Variants in CLIP1 observed in about 807,000 individuals in gnomAD.
CLIP1 encodes the protein CAP-Gly domain-containing linker protein 1.
A neutral mutation model predicts 161.6 loss-of-function variants in CLIP1; 66 were observed. The ratio of observed to expected loss-of-function variants is 0.41; its 90% CI spans 0.33 to 0.50. The LOEUF (loss-of-function observed/expected upper bound fraction) is 0.50, where lower values mean the gene tolerates loss of function less well. CLIP1 is among the 20% of genes least tolerant of loss of function. The probability of loss-of-function intolerance (pLI) is 0.27; values close to 1 mark genes in which losing one functional copy is unlikely to be tolerated. For synonymous variants in CLIP1, 598 were observed against 626.2 expected (o/e 0.96, Z 0.67); for missense variants, 1,376 against 1,702.0 (o/e 0.81, Z 3.37).
chr12:122,320,653 G>A lies in CLIP1; in HGVS notation c.3250-1305C>T, dbSNP rs574156859. On this transcript the variant is annotated intron_variant, in intron 17 of 25. Coordinates refer to ENST00000620786, the MANE Select transcript of CLIP1 (RefSeq NM_001247997.2). ...GCAGGAGAATCGCTTGAACCCGGGA[G>A]GCAGAGGTTGCAGTGAGCCAAGGTC... Among the ~76,000 whole-genome samples the A allele has an allele frequency of 5.8e-4, 88 of 152,016 alleles. 1 individual carries two copies. Among genetic ancestry groups the A allele is most frequent in the Middle Eastern group, 3.4e-3 (1 of 294 alleles).
At chr12:122,305,499 C>T (rs1015503973) in intron 20 of CLIP1, among the ~76,000 whole-genome samples, 1 of 152,208 alleles carries the variant, frequency 6.6e-6, no homozygotes, top group Non-Finnish European at 1.5e-5. Flanking sequence ...CCTGAATTTA[C>T]ACTGTATGCT....
chr12:122,356,961 G>A (rs761503899), intron 5 of CLIP1, among the ~76,000 whole-genome samples: 1 of 152,224 alleles, frequency 6.6e-6, no homozygotes, highest in Non-Finnish European at 1.5e-5. Flanking sequence ...CCAGGCTGGA[G>A]TGCAGTAGCG....
intron 21 of CLIP1, among the ~76,000 whole-genome samples, chr12:122,283,779 C>A (rs950735850): frequency 6.6e-6 from 1 of 152,110 alleles, no homozygotes; most frequent in Non-Finnish European, 1.5e-5. Context: ...CCAGTTTAAT[C>A]CTACAGTTGG....
rs560147290 is a variant in CLIP1, at chr12:122,277,611, T to C, written c.3966+543A>G. 3 of 152,412 alleles carry C rather than the reference T, an allele frequency of 2.0e-5. No homozygotes were observed. The East Asian group carries it at 5.8e-4, about 29-fold the overall frequency. 9.4% of individuals were successfully genotyped at this position (152,412 alleles called of 1,614,324 possible). On this transcript the variant is annotated intron_variant, in intron 24 of 25. Transcript: ENST00000620786. ...CCCTTTGACAGAGCAATTCTACTTC[T>C]AGGAATTCATCCTGCAGAAATACTA...
intron 1 of CLIP1, among the ~76,000 whole-genome samples, chr12:122,401,576 G>A (rs1311297406): frequency 2.0e-5 from 3 of 152,156 alleles, no homozygotes; most frequent in African/African-American, 7.2e-5. Context: ...GCTGAGGCAG[G>A]AGAACTGCTT....
At chr12:122,373,907 G>A (rs562178891) in intron 3 of CLIP1, among the ~76,000 whole-genome samples, 1 of 152,208 alleles carries the variant, frequency 6.6e-6, no homozygotes, top group South Asian at 2.1e-4. Context: ...CAAAAATAAT[G>A]TTCAGCAAAT....
Position 122,377,636 on chromosome 12 carries a change from A to C in CLIP1, c.410T>G (p.Leu137Arg), listed in dbSNP as rs563436852. The change falls in exon 3 of 26, where the codon CTG (leucine) becomes CGG (arginine). Residue 137 changes from leucine to arginine, a missense_variant. Leu to Arg is a moderately radical substitution (Grantham distance 102, BLOSUM62 -2). Around this residue, in one of 6 missense-constraint regions of CLIP1, gnomAD observed 119 missense variants for 112.0 expected, o/e 1.06. Coordinates refer to ENST00000620786, the MANE Select transcript of CLIP1 (RefSeq NM_001247997.2). Reference sequence around the variant, plus strand: ...AGCTCGGGAGGCGGGCGTTGTCTGCAGGCCATTAGCTTCATCTTCTGCTTG... The same window carrying C: ...AGCTCGGGAGGCGGGCGTTGTCTGCCGGCCATTAGCTTCATCTTCTGCTTG... ...KVQAEDEANG[L>R]QTTPASRATS... is the part of the protein sequence containing the mutation. 6.2e-7 allele frequency: 1 copy of C among 1,613,830 alleles called. No individual in the cohort carries two copies. The highest frequency in any genetic ancestry group is 1.1e-5 in the South Asian group (1 of 91,068).
Position 122,410,754 on chromosome 12 carries a change from C to T in CLIP1, c.-107+11767G>A, listed in dbSNP as rs570572907. The stretch of plus-strand genomic sequence containing the variant: ...GATTACAGGCGTGAGCCACCACATC[C>T]GGCCTTATAAGTAATATTTTGAAGG... On this transcript the variant is annotated intron_variant, in intron 1 of 25. Transcript: ENST00000620786. 6.6e-5 allele frequency among the ~76,000 whole-genome samples: 10 copies of T among 152,134 alleles called. No homozygotes were observed. The South Asian group carries it at 1.7e-3, about 25-fold the overall frequency.
rs566749876 is a variant in CLIP1 at position 122,374,033 on chromosome 12, C to T, written c.657+3356G>A. 2.0e-5 allele frequency among the ~76,000 whole-genome samples: 3 copies of T among 152,216 alleles called. No individual in the cohort carries two copies. In the South Asian group the frequency reaches 6.2e-4, roughly 32 times the overall value. ...TAATTCTCAGGAAGATATTTTTCCC[C>T]TTTCACAGTATCAAAGACCTGTATA... On this transcript the variant is annotated intron_variant, in intron 3 of 25. Transcript: ENST00000620786.
chr12:122,352,638 G>T, intron 8 of CLIP1, 88 bp downstream of exon 8: 1 of 1,208,404 alleles, frequency 8.3e-7, no homozygotes, highest in Non-Finnish European at 1.2e-6. Context: ...TGGCTGTTCT[G>T]GCCGCTCATT....
intron 15 of CLIP1, among the ~76,000 whole-genome samples, chr12:122,332,043 T>A (rs1410751125): frequency 6.6e-6 from 1 of 152,034 alleles, no homozygotes; most frequent in Non-Finnish European, 1.5e-5. Context: ...CGGTGGCTCA[T>A]GCCTGTAATC....
chr12:122,304,551 G>A (rs1950798474), intron 20 of CLIP1, among the ~76,000 whole-genome samples: 1 of 152,204 alleles, frequency 6.6e-6, no homozygotes, highest in Middle Eastern at 3.4e-3. Context: ...TATTAGAGAT[G>A]GGGTTTCACC....
Position 122,355,051 on chromosome 12 carries a change from G to A in CLIP1, c.1203+64C>T. The A allele has an allele frequency of 6.9e-7, 1 of 1,455,912 alleles. No individual in the cohort carries two copies. The highest frequency in any genetic ancestry group is 9.5e-7 in the Non-Finnish European group (1 of 1,049,574). The allele number at this position is 1,455,912 out of a possible 1,614,324, so 90.2% of individuals were successfully genotyped here. A position where few individuals can be genotyped will look rare whatever the true frequency, so the allele number is the denominator to read the frequency against. ...CTCCTCGGTGCCAAGCACCGGGCAT[G>A]CTTCTCGGCTCCTCAGTGGCTTTAG... On this transcript the variant is annotated intron_variant, in intron 6 of 25. Coordinates refer to ENST00000620786, the MANE Select transcript of CLIP1 (RefSeq NM_001247997.2). This position sits in a 1 kb window ranked among gnomAD's most constrained non-coding sequence, Gnocchi z 4.1.
intron 21 of CLIP1, among the ~76,000 whole-genome samples, chr12:122,282,556 A>C (rs1038913032): frequency 2.6e-5 from 4 of 152,170 alleles, no homozygotes; most frequent in Non-Finnish European, 5.9e-5. Flanking sequence ...GATAACAAGA[A>C]CCAAATATTA....
chr12:122,354,409 A>C (rs4997380), intron 7 of CLIP1, 44 bp downstream of exon 7: 1 of 1,411,674 alleles, frequency 7.1e-7, no homozygotes, highest in African/African-American at 1.4e-5. Flanking sequence ...ACAAAAAAAA[A>C]GGGGGAAAGG....
rs757353817 is a variant in CLIP1 at position 122,380,456 on chromosome 12, C to A, written c.-4G>T. 1.2e-6 allele frequency: 2 copies of A among 1,600,604 alleles called. No individual in the cohort carries two copies. Among genetic ancestry groups the A allele is most frequent in the South Asian group, 1.1e-5 (1 of 90,330 alleles). ...CACTTGGCTTTAGCATACTCATTTT[C>A]TTTGTATGTCAGAGCTGTTTCTCCT... On this transcript the variant is annotated 5_prime_UTR_variant, in exon 2 of 26. Coordinates refer to ENST00000620786, the MANE Select transcript of CLIP1 (RefSeq NM_001247997.2).
At chr12:122,364,930 T>C (rs951564798) in intron 3 of CLIP1, 1 of 512,698 alleles carries the variant, frequency 2.0e-6, no homozygotes, top group Non-Finnish European at 3.7e-6. Context: ...TTCATGTCCT[T>C]TGTAGGGACA....
intron 25 of CLIP1, among the ~76,000 whole-genome samples, chr12:122,273,367 A>G (rs1955252206): frequency 6.6e-6 from 1 of 152,150 alleles, no homozygotes; most frequent in Admixed American, 6.5e-5. Flanking sequence ...CTCCTGCCTC[A>G]GCCTCCCAAG....
chr12:122,309,546 CTG>C (rs762747176), intron 20 of CLIP1, among the ~76,000 whole-genome samples: 9 of 152,304 alleles, frequency 5.9e-5, no homozygotes, highest in African/African-American at 2.2e-4. Context: ...TTCCAGTGTT[CTG>C]TGTGTTTTTT....
Sources: gnomAD v4.1 joint callset for allele counts (sites outside exome capture counted in the v4.1 genomes callset) on GRCh38, gnomAD v4.1.1 for gene constraint, gnomAD v4.1.1 regional missense constraint, Gnocchi (gnomAD v3.1) non-coding constraint, MANE v1.5 for transcripts, NCBI Gene and HGNC (gene_info 2026-07-23, HGNC 2026-07-21) for gene names.